Variants in ZEB1 observed in about 807,000 individuals in gnomAD.
ZEB1 encodes zinc finger E-box-binding homeobox 1.
A neutral mutation model predicts 84.9 loss-of-function variants in ZEB1; 21 were observed. That is an observed-to-expected ratio of 0.25 (90% CI 0.18 to 0.36). The LOEUF is 0.36. Among genes scored for constraint, ZEB1 ranks in the 10% least tolerant of loss-of-function variants. ZEB1 has a pLI of 1.00. For missense variants in ZEB1, 1,104 were observed against 1,330.2 expected (o/e 0.83, Z 2.65); for synonymous variants, 420 against 471.1 (o/e 0.89, Z 1.41).
chr10:31,373,193 TTGTGTGTGTGTG>T (rs527915359), intron 1 of ZEB1: 1 of 972,328 alleles, frequency 1.0e-6, no homozygotes, highest in African/African-American at 1.8e-5. Flanking sequence ...TTCATTTAAA[TTGTGTGTGTGTG>T]TGTGTGTGTG....
chr10:31,506,420 A>G (rs1474727352), intron 4 of ZEB1, among the ~76,000 whole-genome samples: 2 of 152,070 alleles, frequency 1.3e-5, no homozygotes, highest in Non-Finnish European at 2.9e-5. Context: ...ATCTAATAAT[A>G]TTTCCTTTAT....
intron 1 of ZEB1, among the ~76,000 whole-genome samples, chr10:31,322,939 C>T (rs535284668): frequency 1.3e-5 from 2 of 152,146 alleles, no homozygotes; most frequent in African/African-American, 4.8e-5. Flanking sequence ...GTCTCTCTAT[C>T]GACTGTGCTG....
chr10:31,462,090 G>A (rs1019174154), intron 2 of ZEB1, among the ~76,000 whole-genome samples: 112 of 152,224 alleles, frequency 7.4e-4, no homozygotes, highest in African/African-American at 2.6e-3. Context: ...CAAGTTCAAA[G>A]AGGTCGTCTA....
At chr10:31,513,661 G>A (rs768423568) in intron 5 of ZEB1, among the ~76,000 whole-genome samples, 1 of 152,192 alleles carries the variant, frequency 6.6e-6, no homozygotes, top group Non-Finnish European at 1.5e-5. Context: ...GAGTTAAGCC[G>A]TTAAAGGCTG....
intron 1 of ZEB1, among the ~76,000 whole-genome samples, chr10:31,382,220 C>A (rs2047821172): frequency 6.6e-6 from 1 of 151,898 alleles, no homozygotes; most frequent in African/African-American, 2.4e-5. Flanking sequence ...TTACTAGTTT[C>A]AAACATTTAA....
intron 1 of ZEB1, among the ~76,000 whole-genome samples, chr10:31,365,348 T>C (rs1220545950): frequency 6.6e-6 from 1 of 152,170 alleles, no homozygotes; most frequent in Non-Finnish European, 1.5e-5. Flanking sequence ...GGACATACTC[T>C]TGGGTGTCTG....
At chr10:31,417,393 G>T (rs902716074) in intron 1 of ZEB1, among the ~76,000 whole-genome samples, 7 of 152,126 alleles carry the variant, frequency 4.6e-5, no homozygotes, top group Admixed American at 2.0e-4. Context: ...TTAGGTTGGT[G>T]TAGTCATCTG....
chr10:31,526,525 TA>T, intron 8 of ZEB1, 146 bp from the exon 9 acceptor site: 1 of 1,007,480 alleles, frequency 9.9e-7, no homozygotes, highest in Non-Finnish European at 1.4e-6. Context: ...TGCAATATTA[TA>T]TTACAAAGAG....
At chr10:31,416,220 C>G (rs868858364) in intron 1 of ZEB1, among the ~76,000 whole-genome samples, 1 of 151,908 alleles carries the variant, frequency 6.6e-6, no homozygotes, top group Non-Finnish European at 1.5e-5. Flanking sequence ...TTTAATACTT[C>G]ATACTTTAGG....
chr10:31,514,640 A>C lies in ZEB1; in HGVS notation c.725A>C (p.Lys242Thr). Reference protein sequence around the residue: ...VTQSGCNRKFKCTECGKAFKY... With the variant: ...VTQSGCNRKFTCTECGKAFKY... ...CAGTCTGGGTGTAATCGTAAATTCAAATGCACTGAGTGTGGAAAAGCTTTC... is the reference window on the plus strand; with the variant it reads ...CAGTCTGGGTGTAATCGTAAATTCACATGCACTGAGTGTGGAAAAGCTTTC... Residue 242 changes from lysine to threonine, a missense_variant, in exon 6 of 9, where the codon AAA (lysine) becomes ACA (threonine). By Grantham distance (78) the Lys-to-Thr change is moderately conservative (BLOSUM62 -1). Coordinates refer to ENST00000424869, the MANE Select transcript of ZEB1 (RefSeq NM_001174096.2). The C allele has an allele frequency of 6.2e-7, 1 of 1,612,854 alleles. No homozygotes were observed. The highest frequency in any genetic ancestry group is 8.5e-7 in the Non-Finnish European group (1 of 1,179,104).
chr10:31,337,178 C>CA (rs979364771), intron 1 of ZEB1, among the ~76,000 whole-genome samples: 3 of 152,038 alleles, frequency 2.0e-5, no homozygotes, highest in African/African-American at 7.2e-5. Flanking sequence ...TCGAACAAAA[C>CA]AAATCACTGA....
intron 1 of ZEB1, among the ~76,000 whole-genome samples, chr10:31,431,998 T>C (rs1252487557): frequency 6.6e-6 from 1 of 152,234 alleles, no homozygotes; most frequent in African/African-American, 2.4e-5. Flanking sequence ...ATCATGTGTA[T>C]GTGGATACAG....
At chr10:31,422,072 C>T (rs1327951149) in intron 1 of ZEB1, among the ~76,000 whole-genome samples, 1 of 152,100 alleles carries the variant, frequency 6.6e-6, no homozygotes, top group African/African-American at 2.4e-5. Flanking sequence ...TTTTGTTACT[C>T]TGGCCTACAG....
At chr10:31,444,326 T>A (rs925559265) in intron 1 of ZEB1, among the ~76,000 whole-genome samples, 42 of 144,922 alleles carry the variant, frequency 2.9e-4, no homozygotes, top group African/African-American at 1.0e-3. Flanking sequence ...CTTTGTCAGA[T>A]GAGTAGGTTG....
intron 2 of ZEB1, among the ~76,000 whole-genome samples, chr10:31,462,403 G>A (rs552166873): frequency 6.6e-6 from 1 of 152,294 alleles, no homozygotes; most frequent in Non-Finnish European, 1.5e-5. Context: ...ATGGAGAAGA[G>A]AGATAAATAA....
At chr10:31,421,151 G>A (rs922253911) in intron 1 of ZEB1, among the ~76,000 whole-genome samples, 3 of 152,102 alleles carry the variant, frequency 2.0e-5, no homozygotes, top group Middle Eastern at 6.3e-3. Context: ...GCCACTCCAG[G>A]TAGGGAAAAC....
intron 6 of ZEB1, among the ~76,000 whole-genome samples, chr10:31,519,685 G>A (rs533141061): frequency 3.9e-5 from 6 of 152,238 alleles, no homozygotes; most frequent in South Asian, 2.1e-4. Flanking sequence ...ATTCATACTT[G>A]TTAAGTCATA....
intron 1 of ZEB1, among the ~76,000 whole-genome samples, chr10:31,343,616 T>C (rs1002915094): frequency 3.9e-5 from 6 of 152,152 alleles, no homozygotes; most frequent in African/African-American, 1.4e-4. Context: ...GTCATAGCTC[T>C]TAGGAAATTC....
chr10:31,407,038 G>T (rs564804751), intron 1 of ZEB1, among the ~76,000 whole-genome samples: 1 of 151,858 alleles, frequency 6.6e-6, no homozygotes. Flanking sequence ...CCTCTGTTCT[G>T]TTCCATTAGT....
Sources: gnomAD v4.1 joint callset for allele counts (sites outside exome capture counted in the v4.1 genomes callset) on GRCh38, gnomAD v4.1.1 for gene constraint, MANE v1.5 for transcripts, NCBI Gene and HGNC (gene_info 2026-07-23, HGNC 2026-07-21) for gene names.